Variants in GBP3 observed in about 807,000 individuals in gnomAD.
The protein encoded by GBP3 is guanylate binding protein 3.
A neutral mutation model predicts 62.4 loss-of-function variants in GBP3; 55 were observed. That is an observed-to-expected ratio of 0.88 (90% CI 0.71 to 1.10). The LOEUF (loss-of-function observed/expected upper bound fraction) is 1.10, where lower values mean the gene tolerates loss of function less well. Ranked by LOEUF, GBP3 falls within the 50% of genes least tolerant of loss-of-function variation. GBP3 has a pLI of 0.00. For missense variants in GBP3, 605 were observed against 690.6 expected (o/e 0.88, Z 1.39); for synonymous variants, 208 against 259.2 (o/e 0.80, Z 1.90).
At chr1:89,015,220 A>C in intron 3 of GBP3, 67 bp downstream of exon 3, 1 of 1,452,050 alleles carries the variant, frequency 6.9e-7, no homozygotes, top group East Asian at 2.4e-5. Flanking sequence ...TTTAAGAAAA[A>C]ACTAAATGGT....
chr1:89,021,788 T>TA (rs750540738), intron 1 of GBP3, among the ~76,000 whole-genome samples: 10 of 65,360 alleles, frequency 1.5e-4, no homozygotes, highest in Non-Finnish European at 9.6e-5. Context: ...GCTGGAAAGA[T>TA]GAGAGAGAGA....
At position 89,009,506 on chromosome 1, in the gene GBP3, G is replaced by C; in HGVS notation, c.1363-12C>G. The stretch of plus-strand genomic sequence containing the variant: ...AGAATCTCTTCAGCCTTAGGACCCA[G>C]AGAACACAGAGTGAGAAGTAGGAAA... On this transcript the variant is annotated splice_polypyrimidine_tract_variant and intron_variant, in intron 8 of 10. Transcript: ENST00000370481. The C allele has an allele frequency of 6.2e-7, 1 of 1,612,712 alleles. No individual in the cohort carries two copies. Among genetic ancestry groups the C allele is most frequent in the East Asian group, 2.2e-5 (1 of 44,854 alleles).
chr1:89,011,710 A>G, intron 7 of GBP3, 37 bp downstream of exon 7: 1 of 1,458,936 alleles, frequency 6.9e-7, no homozygotes, highest in Non-Finnish European at 9.5e-7. Flanking sequence ...TTTGCCTTCC[A>G]AAATCCAAAT....
In GBP3 at chr1:89,006,790, C is replaced by G. The variant is rs764294085; in HGVS notation, c.*934G>C. On this transcript the variant is annotated 3_prime_UTR_variant, in exon 11 of 11. Transcript: ENST00000370481. ...ACAATTGGGATGAAGTCTACATATA[C>G]TAAGTAATGGCAAGACAATTATTTT... is the stretch of plus-strand genomic sequence containing the variant. The G allele has an allele frequency of 2.6e-5, 4 of 152,142 alleles. No individual in the cohort carries two copies. The highest frequency in any genetic ancestry group is 5.9e-5 in the Non-Finnish European group (4 of 68,032). 9.4% of individuals were successfully genotyped at this position (152,142 alleles called of 1,614,324 possible). A position where few individuals can be genotyped will look rare whatever the true frequency, so the allele number is the denominator to read the frequency against.
In GBP3 at chr1:89,014,626, T is replaced by C. The variant is rs764613481; in HGVS notation, c.349A>G (p.Thr117Ala). 21 of 1,613,868 alleles carry C rather than the reference T, an allele frequency of 1.3e-5. No individual in the cohort carries two copies. The highest frequency in any genetic ancestry group is 1.7e-5 in the Admixed American group (1 of 59,972). Residue 117 changes from threonine to alanine, a missense_variant, in exon 4 of 11, where the codon ACC (threonine) becomes GCC (alanine). Around this residue, in one of 3 missense-constraint regions of GBP3, gnomAD observed 308 missense variants for 318.0 expected, o/e 0.97. Coordinates refer to ENST00000370481, the MANE Select transcript of GBP3 (RefSeq NM_018284.3). ...GTGCTGCTCAGGAGGACGGCCAGGG[T>C]GAAGATCCAGGAGTCATTCTGGTTG... ...GDNQNDSWIF[T>A]LAVLLSSTLV...
rs1467512517 is a variant in GBP3 at position 89,014,533 on chromosome 1, T to C, written c.428+14A>G. The C allele has an allele frequency of 6.2e-7, 1 of 1,614,022 alleles. No individual in the cohort carries two copies. Among genetic ancestry groups the C allele is most frequent in the Admixed American group, 1.7e-5 (1 of 60,008 alleles). ...CCTCTGACCTTGGTGCTGTTCTGGG[T>C]CACAAAAGGATACTACAGTTGGTCC... On this transcript the variant is annotated intron_variant, in intron 4 of 10. Transcript: ENST00000370481.
At chr1:89,013,012 A>G (rs1014648711) in intron 6 of GBP3, among the ~76,000 whole-genome samples, 173 bp downstream of exon 6, 18 of 151,218 alleles carry the variant, frequency 1.2e-4, no homozygotes, top group Non-Finnish European at 2.4e-4. Context: ...TTATTTTTGT[A>G]TTTTTAGTAG....
In GBP3 at chr1:89,011,929, A is replaced by C. The variant is rs1297063144; in HGVS notation, c.967T>G (p.Ser323Ala). The C allele has an allele frequency of 6.8e-7, 1 of 1,462,418 alleles. No homozygotes were observed. The highest frequency in any genetic ancestry group is 9.5e-7 in the Non-Finnish European group (1 of 1,055,256). The allele number at this position is 1,462,418 out of a possible 1,614,324, so 90.6% of individuals were successfully genotyped here. A position where few individuals can be genotyped will look rare whatever the true frequency, so the allele number is the denominator to read the frequency against. The change falls in exon 7 of 11, where the codon TCA (serine) becomes GCA (alanine). Residue 323 changes from serine (S) to alanine (A), a missense_variant. Transcript: ENST00000370481. ...AVLALAQIEN[S>A]AAVQKAIAHY... is the part of the protein sequence containing the mutation. ...GCAATAGCCTTTTGCACTGCGGCTG[A>C]GTTCTCTATCTGGGCCAAGGCCAGG...
In GBP3 at chr1:89,019,913, AT is replaced by A. The variant is rs543859516; in HGVS notation, c.190+618del. ...ACAAGGATAAATTTTATGTTTATAT[AT>A]TTTTTAAAACAATAAACAAGAAAAT... On this transcript the variant is annotated intron_variant, in intron 2 of 10. Coordinates refer to ENST00000370481, the MANE Select transcript of GBP3 (RefSeq NM_018284.3). 2.0e-3 allele frequency among the ~76,000 whole-genome samples: 302 copies of A among 152,354 alleles called. 1 individual carries two copies. Among genetic ancestry groups the A allele is most frequent in the African/African-American group, 6.9e-3 (285 of 41,586 alleles).
rs867624514 is a variant in GBP3, at chr1:89,011,251, C to T, written c.1150-135G>A. ...ACTGACAGACTCCTCAGCAGGACCA[C>T]GCTCTTACTCCTGACCCCACTTTCT... is the stretch of plus-strand genomic sequence containing the variant. On this transcript the variant is annotated intron_variant, in intron 7 of 10. Coordinates refer to ENST00000370481, the MANE Select transcript of GBP3 (RefSeq NM_018284.3). 2.3e-5 allele frequency: 26 copies of T among 1,147,242 alleles called. 5 individuals carry two copies. Among genetic ancestry groups the T allele is most frequent in the East Asian group, 5.2e-5 (2 of 38,590 alleles). 71.1% of individuals were successfully genotyped at this position (1,147,242 alleles called of 1,614,324 possible). A position where few individuals can be genotyped will look rare whatever the true frequency, so the allele number is the denominator to read the frequency against.
chr1:89,010,024 A>T (rs929112433), intron 8 of GBP3, among the ~76,000 whole-genome samples: 2 of 152,204 alleles, frequency 1.3e-5, no homozygotes, highest in African/African-American at 4.8e-5. Flanking sequence ...AACAGAAAAA[A>T]ATCCAGCTGT....
At position 89,012,203 on chromosome 1, in the gene GBP3, AG is replaced by A. The variant is rs1236296287; in HGVS notation, c.869-177del. Among the ~76,000 whole-genome samples, 23 of 139,170 alleles carry A rather than the reference AG, an allele frequency of 1.7e-4. 3 individuals are homozygous for A. Among genetic ancestry groups the A allele is most frequent in the African/African-American group, 5.7e-4 (23 of 40,570 alleles). The allele number at this position is 139,170 out of a possible 152,430, so 91.3% of individuals were successfully genotyped here. ...GCCTCTGTCCCAGATCTACTGAATT[AG>A]AGTTTTTTCTTTGGGTAAGATCCCT... On this transcript the variant is annotated intron_variant, in intron 6 of 10. Transcript: ENST00000370481.
At chr1:89,021,766 C>T (rs1038260126) in intron 1 of GBP3, among the ~76,000 whole-genome samples, 6 of 120,594 alleles carry the variant, frequency 5.0e-5, no homozygotes, top group South Asian at 2.8e-4. Context: ...GTGAGGAGGA[C>T]GAGGAGAAAG....
Position 89,011,028 on chromosome 1 carries a change from A to C in GBP3, c.1238T>G (p.Phe413Cys). 6.8e-7 allele frequency: 1 copy of C among 1,462,036 alleles called. No homozygotes were observed. 90.6% of individuals were successfully genotyped at this position (1,462,036 alleles called of 1,614,324 possible). ...DRCSALLQVI[F>C]SPLEEEVKAG... ...CTTCACTTCTTCTTCTAGAGGACTG[A>C]AAATGACCTGAAGTAAAGCTGAGCA... The change falls in exon 8 of 11, where the codon TTC becomes TGC. Residue 413 changes from phenylalanine (F) to cysteine (C), a missense_variant. Physicochemically the swap from Phe to Cys is radical, Grantham distance 205 (BLOSUM62 -2). Coordinates refer to ENST00000370481, the MANE Select transcript of GBP3 (RefSeq NM_018284.3).
intron 2 of GBP3, chr1:89,020,060 T>G (rs985150259): frequency 4.4e-6 from 1 of 226,202 alleles, no homozygotes; most frequent in Non-Finnish European, 9.2e-6. Flanking sequence ...GGCAACATGA[T>G]GAAACCCTGT....
At chr1:89,014,051 G>A (rs371737476) in intron 5 of GBP3, 32 bp downstream of exon 5, 145 of 1,596,198 alleles carry the variant, frequency 9.1e-5, no homozygotes, top group Middle Eastern at 3.3e-4. Flanking sequence ...GTGTTTTGTC[G>A]TCCTCATTTA....
Position 89,015,278 on chromosome 1 carries a change from G to A in GBP3, c.318+9C>T, listed in dbSNP as rs1678825474. On this transcript the variant is annotated intron_variant, in intron 3 of 10. Transcript: ENST00000370481. The stretch of plus-strand genomic sequence containing the variant: ...GGGCTTATTTCAAAATTGAATCTTT[G>A]ACCCTTACCTTCTTTACATCTCCCA... 1.9e-6 allele frequency: 3 copies of A among 1,589,202 alleles called. No homozygotes were observed. Among genetic ancestry groups the A allele is most frequent in the Admixed American group, 1.8e-5 (1 of 54,258 alleles).
chr1:89,020,165 G>A (rs376258690), intron 2 of GBP3: 25 of 407,236 alleles, frequency 6.1e-5, no homozygotes, highest in African/African-American at 3.3e-4. Context: ...CTTGAGCCCA[G>A]GAAGTCAAGA....
Position 89,019,298 on chromosome 1 carries a change from A to C in GBP3, c.190+1234T>G, listed in dbSNP as rs564033892. 9.2e-5 allele frequency among the ~76,000 whole-genome samples: 14 copies of C among 152,298 alleles called. No individual in the cohort carries two copies. The East Asian group carries it at 1.7e-3, about 19-fold the overall frequency. ...AAAAGGAAGAATTTTTTATTTCTTT[A>C]TTTATTTTTGAGATGGAGTTTCGCT... is the stretch of plus-strand genomic sequence containing the variant. On this transcript the variant is annotated intron_variant, in intron 2 of 10. Coordinates refer to ENST00000370481, the MANE Select transcript of GBP3 (RefSeq NM_018284.3).
Sources: gnomAD v4.1 joint callset for allele counts (sites outside exome capture counted in the v4.1 genomes callset) on GRCh38, gnomAD v4.1.1 for gene constraint, gnomAD v4.1.1 regional missense constraint, MANE v1.5 for transcripts, NCBI Gene and HGNC (gene_info 2026-07-23, HGNC 2026-07-21) for gene names.